BICC1: variants seen among roughly 807,000 people sequenced by gnomAD.
The protein encoded by BICC1 is BicC family RNA binding protein 1, also known as protein bicaudal C homolog 1.
BICC1 carries 43 observed loss-of-function variants against 111.0 expected under a neutral mutation model. The observed-to-expected ratio is 0.39, with a 90% CI of 0.30 to 0.50. The LOEUF (loss-of-function observed/expected upper bound fraction) is 0.50. Ranked by LOEUF, BICC1 falls within the 20% of genes least tolerant of loss-of-function variation. BICC1 has a pLI of 0.88. For missense variants in BICC1, 1,091 were observed against 1,203.2 expected (o/e 0.91, Z 1.38); for synonymous variants, 467 against 434.4 (o/e 1.07, Z -0.93).
At chr10:58,682,357 A>T (rs1397111738) in intron 2 of BICC1, among the ~76,000 whole-genome samples, 1 of 152,148 alleles carries the variant, frequency 6.6e-6, no homozygotes, top group African/African-American at 2.4e-5. Context: ...TAGCAGCATG[A>T]TTTATATTCC....
At chr10:58,615,081 C>G (rs777441521) in intron 1 of BICC1, among the ~76,000 whole-genome samples, 2 of 151,750 alleles carry the variant, frequency 1.3e-5, no homozygotes, top group Non-Finnish European at 1.5e-5. Flanking sequence ...TAAGTGCCCC[C>G]CCGAGACACT....
chr10:58,520,279 A>G (rs1200363807), intron 1 of BICC1, among the ~76,000 whole-genome samples: 1 of 152,184 alleles, frequency 6.6e-6, no homozygotes, highest in Non-Finnish European at 1.5e-5. Context: ...GCGCAATTTT[A>G]TTGCTAATTT....
intron 1 of BICC1, among the ~76,000 whole-genome samples, chr10:58,590,016 T>G (rs1458693366): frequency 6.6e-6 from 1 of 152,132 alleles, no homozygotes; most frequent in East Asian, 1.9e-4. Flanking sequence ...GTGTATTTAT[T>G]TCCAGGAAAT....
chr10:58,764,425 T>C (rs2132695304), intron 3 of BICC1, among the ~76,000 whole-genome samples: 1 of 152,168 alleles, frequency 6.6e-6, no homozygotes, highest in South Asian at 2.1e-4. Context: ...GAAAGATACA[T>C]ATCAAGGAAA....
chr10:58,528,015 A>G (rs1842590012), intron 1 of BICC1, among the ~76,000 whole-genome samples: 1 of 151,898 alleles, frequency 6.6e-6, no homozygotes, highest in Non-Finnish European at 1.5e-5. Flanking sequence ...AATAGTTGGT[A>G]TTTTTCAAAT....
chr10:58,540,349 TC>T (rs891749184), intron 1 of BICC1, among the ~76,000 whole-genome samples: 5 of 149,576 alleles, frequency 3.3e-5, no homozygotes, highest in Non-Finnish European at 7.4e-5. Context: ...CTTAAAAAGA[TC>T]AACAAAATCA....
intron 1 of BICC1, among the ~76,000 whole-genome samples, chr10:58,551,674 T>G (rs905101903): frequency 1.3e-5 from 2 of 152,170 alleles, no homozygotes; most frequent in African/African-American, 4.8e-5. Flanking sequence ...CAGCCCCTGG[T>G]AACCATCATT....
At chr10:58,807,212 G>T in intron 17 of BICC1, 54 bp downstream of exon 17, 3 of 1,538,752 alleles carry the variant, frequency 1.9e-6, no homozygotes, top group Non-Finnish European at 2.7e-6. Flanking sequence ...CAGCAAAAGA[G>T]GACAGTCCTT....
chr10:58,675,077 A>T (rs1839297603), intron 2 of BICC1, among the ~76,000 whole-genome samples: 4 of 152,142 alleles, frequency 2.6e-5, no homozygotes, highest in Non-Finnish European at 5.9e-5. Context: ...ATTGTCTTGG[A>T]TTATGGACAT....
chr10:58,806,964 A>G (rs1381231183), intron 16 of BICC1, 40 bp from the exon 17 acceptor site: 3 of 1,577,908 alleles, frequency 1.9e-6, no homozygotes, highest in East Asian at 2.3e-5. Context: ...GAAGAAATGC[A>G]TTAAACATAC....
chr10:58,715,622 C>G, intron 3 of BICC1: 1 of 1,605,658 alleles, frequency 6.2e-7, no homozygotes, highest in Non-Finnish European at 8.5e-7. Flanking sequence ...GGGGTCCAAT[C>G]CAGTCTTCAG....
rs1244162749 is a variant in BICC1, at chr10:58,789,784, A to T, written c.898A>T (p.Met300Leu). 1.2e-6 allele frequency: 2 copies of T among 1,614,120 alleles called. No homozygotes were observed. The highest frequency in any genetic ancestry group is 1.1e-5 in the South Asian group (1 of 91,078). Reference protein sequence around the residue: ...DIAAQHHLFMMGRNGSNIKHI... With the variant: ...DIAAQHHLFMLGRNGSNIKHI... ...TGCAGCTCAACATCATCTCTTTATGATGGGTCGAAATGGGAGCAACATCAA... is the reference window on the plus strand; with the variant it reads ...TGCAGCTCAACATCATCTCTTTATGTTGGGTCGAAATGGGAGCAACATCAA... The change falls in exon 8 of 21, where the codon ATG (methionine) becomes TTG (leucine). Residue 300 changes from methionine (M) to leucine (L), a missense_variant. This residue lies in a region of BICC1 where 843 missense variants were observed against 900.8 expected (regional missense o/e 0.94). Coordinates refer to ENST00000373886, the MANE Select transcript of BICC1 (RefSeq NM_001080512.3).
chr10:58,559,700 T>C (rs1843550803), intron 1 of BICC1, among the ~76,000 whole-genome samples: 1 of 152,144 alleles, frequency 6.6e-6, no homozygotes, highest in African/African-American at 2.4e-5. Flanking sequence ...ATTTCCCTTG[T>C]TCAGTATGGC....
At chr10:58,747,588 C>T (rs761645425) in intron 3 of BICC1, among the ~76,000 whole-genome samples, 7 of 151,992 alleles carry the variant, frequency 4.6e-5, no homozygotes, top group Non-Finnish European at 8.8e-5. Context: ...TCTATCACTT[C>T]ATTTACCTAT....
chr10:58,684,663 A>G (rs934698149), intron 2 of BICC1, among the ~76,000 whole-genome samples: 8 of 152,180 alleles, frequency 5.3e-5, no homozygotes, highest in Non-Finnish European at 8.8e-5. Flanking sequence ...TTATTTGCAT[A>G]GAGGTGTTTA....
chr10:58,791,976 G>C (rs1336139754), intron 8 of BICC1, among the ~76,000 whole-genome samples: 1 of 151,980 alleles, frequency 6.6e-6, no homozygotes, highest in Non-Finnish European at 1.5e-5. Flanking sequence ...AGTTTTAGTA[G>C]AGATGGGGTT....
rs373916589 is a variant in BICC1 at position 58,632,574 on chromosome 10, G to A, written c.237+11673G>A. Among the ~76,000 whole-genome samples, 7 of 152,174 alleles carry A rather than the reference G, an allele frequency of 4.6e-5. No individual in the cohort carries two copies. The South Asian group carries it at 1.5e-3, about 32-fold the overall frequency. ...TTTCTTGGGAGAAAGTGTTTGAGGT[G>A]CGTTTTGAGGACTAGGTAAAAGGAA... On this transcript the variant is annotated intron_variant, in intron 2 of 20. Coordinates refer to ENST00000373886, the MANE Select transcript of BICC1 (RefSeq NM_001080512.3).
rs536115236 is a variant in BICC1 at position 58,556,070 on chromosome 10, G to A, written c.190+42737G>A. 2.6e-5 allele frequency among the ~76,000 whole-genome samples: 4 copies of A among 152,112 alleles called. No individual in the cohort carries two copies. In the East Asian group the frequency reaches 7.7e-4, roughly 29 times the overall value. The stretch of plus-strand genomic sequence containing the variant: ...TAAGATTGTGGAATTTCTAGTTTTC[G>A]AGTGTTGGGGGATAGTTAATATTAT... On this transcript the variant is annotated intron_variant, in intron 1 of 20. Transcript: ENST00000373886.
At chr10:58,639,459 A>G (rs941499269) in intron 2 of BICC1, among the ~76,000 whole-genome samples, 15 of 150,200 alleles carry the variant, frequency 1.0e-4, no homozygotes, top group Admixed American at 4.0e-4. Flanking sequence ...CAGTGGTGCA[A>G]TCTCGGCTCA....
Sources: allele counts gnomAD v4.1 joint callset (sites outside exome capture counted in the v4.1 genomes callset), GRCh38; gene constraint gnomAD v4.1.1; regional missense constraint gnomAD v4.1.1; transcripts MANE v1.5; gene names NCBI Gene and HGNC (gene_info 2026-07-23, HGNC 2026-07-21).